SEL1L3: variants seen among roughly 807,000 people sequenced by gnomAD.
SEL1L3 encodes protein sel-1 homolog 3.
In SEL1L3, 76 loss-of-function variants were observed where a neutral mutation model predicts 142.8. The observed-to-expected ratio is 0.53, with a 90% CI of 0.44 to 0.64. The LOEUF is 0.64. Among genes scored for constraint, SEL1L3 ranks in the 30% least tolerant of loss-of-function variants. SEL1L3 has a pLI of 0.00. For synonymous variants in SEL1L3, 504 were observed against 519.6 expected (o/e 0.97, Z 0.41); for missense variants, 1,262 against 1,381.7 (o/e 0.91, Z 1.37).
At chr4:25,741,623 T>C in the SEL1L3 span, among the ~76,000 whole-genome samples, 3 of 152,238 alleles carry the variant, frequency 2.0e-5, no homozygotes, top group East Asian at 3.9e-4. Context: ...ATTCTAGATG[T>C]TGATACTTCA....
At chr4:25,726,654 G>A in the SEL1L3 span, among the ~76,000 whole-genome samples, 1 of 152,166 alleles carries the variant, frequency 6.6e-6, no homozygotes, top group Non-Finnish European at 1.5e-5. Context: ...CCGGGAACGG[G>A]CCAGGTTTCC....
At chr4:25,743,558 T>C (rs867915644), downstream of SEL1L3, among the ~76,000 whole-genome samples, 3 of 152,262 alleles carry the variant, frequency 2.0e-5, no homozygotes, top group South Asian at 6.2e-4. Context: ...TCAATATATG[T>C]AAGACGAACA....
intron 21 of SEL1L3, among the ~76,000 whole-genome samples, chr4:25,758,483 C>T (rs1560278254): frequency 6.6e-6 from 1 of 152,110 alleles, no homozygotes. Context: ...AATAAACAAA[C>T]AAGAGACAAG....
chr4:25,830,896 A>T (rs572480026), intron 5 of SEL1L3, among the ~76,000 whole-genome samples: 1 of 152,348 alleles, frequency 6.6e-6, no homozygotes, highest in East Asian at 1.9e-4. Flanking sequence ...TGTTTGCCTA[A>T]ACCAACCATT....
chr4:25,801,299 A>T (rs889004179), intron 11 of SEL1L3, among the ~76,000 whole-genome samples: 6 of 152,226 alleles, frequency 3.9e-5, no homozygotes, highest in African/African-American at 1.4e-4. Flanking sequence ...GCAACTCAGG[A>T]GGCTGAGGCA....
chr4:25,861,295 A>G (rs1379559837), intron 1 of SEL1L3, among the ~76,000 whole-genome samples: 2 of 152,244 alleles, frequency 1.3e-5, no homozygotes, highest in African/African-American at 4.8e-5. Flanking sequence ...AATATCATTC[A>G]TGTTAACTGA....
At chr4:25,793,906 C>A (rs1218364424) in intron 11 of SEL1L3, among the ~76,000 whole-genome samples, 1 of 152,110 alleles carries the variant, frequency 6.6e-6, no homozygotes, top group Non-Finnish European at 1.5e-5. Flanking sequence ...GTTTGTCTGA[C>A]AAAAACAAGC....
rs200133668 is a variant in SEL1L3, at chr4:25,759,012, G to A, written c.3012C>T (p.Ile1004=). The part of the protein sequence containing the change: ...IEEGTIIPHH[I]LDFLEIDSTL... ...TTGAGTCAATTTCCAAGAAATCCAAGATATGGTGTGGGATTATCGTACCTT... is the reference window on the plus strand; with the variant it reads ...TTGAGTCAATTTCCAAGAAATCCAAAATATGGTGTGGGATTATCGTACCTT... Residue 1004 remains isoleucine, a synonymous_variant, in exon 21 of 24, where the codon ATC becomes ATT. Coordinates refer to ENST00000399878, the MANE Select transcript of SEL1L3 (RefSeq NM_015187.5). 1.0e-3 allele frequency: 1,642 copies of A among 1,613,696 alleles called. 19 individuals are homozygous for A. The South Asian group carries it at 0.015, about 15-fold the overall frequency.
At chr4:25,747,216 C>T (rs1717299806), downstream of SEL1L3, among the ~76,000 whole-genome samples, 1 of 152,180 alleles carries the variant, frequency 6.6e-6, no homozygotes, top group African/African-American at 2.4e-5. Context: ...ATGTCTGATA[C>T]TGTGCGAACA....
intron 20 of SEL1L3, among the ~76,000 whole-genome samples, chr4:25,762,244 C>T (rs559585891): frequency 3.5e-4 from 54 of 152,256 alleles, no homozygotes; most frequent in African/African-American, 1.3e-3. Flanking sequence ...CCACTGTGCC[C>T]GGCCTCATAA....
chr4:25,715,056 G>C, the SEL1L3 span, among the ~76,000 whole-genome samples: 1 of 152,098 alleles, frequency 6.6e-6, no homozygotes, highest in Non-Finnish European at 1.5e-5. Context: ...ATTTCAACAA[G>C]AAAGAACATT....
At chr4:25,835,483 T>C (rs1391915368) in intron 2 of SEL1L3, among the ~76,000 whole-genome samples, 160 bp from the exon 3 acceptor site, 4 of 152,254 alleles carry the variant, frequency 2.6e-5, no homozygotes, top group Non-Finnish European at 4.4e-5. Flanking sequence ...CCAAGCACCA[T>C]GCTAAGCACT....
the SEL1L3 span, among the ~76,000 whole-genome samples, chr4:25,726,340 C>A: frequency 6.6e-6 from 1 of 151,722 alleles, no homozygotes; most frequent in Admixed American, 6.6e-5. Context: ...CCAGCCTGAC[C>A]AACATGGTGA....
chr4:25,788,504 G>A lies in SEL1L3; in HGVS notation c.2077-140C>T. 8.0e-6 allele frequency: 7 copies of A among 872,912 alleles called. No individual in the cohort carries two copies. In the Admixed American group the frequency reaches 1.9e-4, roughly 23 times the overall value. 54.1% of individuals were successfully genotyped at this position (872,912 alleles called of 1,614,324 possible). The stretch of plus-strand genomic sequence containing the variant: ...ATTAGATACACTTTATCTTCCAACT[G>A]GAGGCCAGAGCCCTGAATGTGGACT... On this transcript the variant is annotated intron_variant, in intron 12 of 23. Transcript: ENST00000399878. The surrounding 1 kb of genome is among the most constrained non-coding windows in gnomAD (Gnocchi z 5.3).
At chr4:25,732,553 A>G in the SEL1L3 span, among the ~76,000 whole-genome samples, 32,077 of 152,068 alleles carry the variant, frequency 0.21, 4,341 homozygotes, top group East Asian at 0.37. Context: ...GTGGTATCTC[A>G]ATGAGGTTTT....
intron 11 of SEL1L3, among the ~76,000 whole-genome samples, chr4:25,801,897 C>T (rs1371706027): frequency 6.6e-6 from 1 of 152,146 alleles, no homozygotes; most frequent in East Asian, 1.9e-4. Context: ...CAGCTTCCTG[C>T]CTCCACTGAA....
chr4:25,857,242 C>A (rs1467625431), intron 1 of SEL1L3, among the ~76,000 whole-genome samples: 1 of 152,166 alleles, frequency 6.6e-6, no homozygotes, highest in African/African-American at 2.4e-5. Flanking sequence ...TCAAAATCAG[C>A]ATGTGCTTAG....
rs951161129 is a variant in SEL1L3, at chr4:25,815,870, G to C, written c.1564+2268C>G. On this transcript the variant is annotated intron_variant, in intron 9 of 23. Transcript: ENST00000399878. Reference sequence around the variant, plus strand: ...TATTTTTGGAGAGGAGGGATATTGGGGGGGGTGCTTTTGGTATCTAGTTGT... The same window carrying C: ...TATTTTTGGAGAGGAGGGATATTGGCGGGGGTGCTTTTGGTATCTAGTTGT... Among the ~76,000 whole-genome samples, 3 of 150,520 alleles carry C rather than the reference G, an allele frequency of 2.0e-5. No homozygotes were observed. The Admixed American group carries it at 2.0e-4, about 10-fold the overall frequency.
the SEL1L3 span, among the ~76,000 whole-genome samples, chr4:25,735,043 T>C: frequency 1.3e-5 from 2 of 152,216 alleles, no homozygotes; most frequent in African/African-American, 4.8e-5. Flanking sequence ...AAATGTTTCA[T>C]AGATTCAGTT....
Sources: allele counts gnomAD v4.1 joint callset (sites outside exome capture counted in the v4.1 genomes callset), GRCh38; gene constraint gnomAD v4.1.1; non-coding constraint Gnocchi (gnomAD v3.1); transcripts MANE v1.5; gene names NCBI Gene and HGNC (gene_info 2026-07-23, HGNC 2026-07-21).